FAAP24: variants seen among roughly 807,000 people sequenced by gnomAD.
The protein encoded by FAAP24 is FA core complex associated protein 24, also known as Fanconi anemia core complex-associated protein 24.
Under a neutral mutation model 14.3 loss-of-function variants are expected in FAAP24, and 16 were observed. The ratio of observed to expected loss-of-function variants is 1.12; its 90% CI spans 0.76 to 1.69. FAAP24 has a LOEUF of 1.69. Ranked by LOEUF, FAAP24 falls within the 40% of genes most tolerant of loss-of-function variation. FAAP24 has a pLI of 0.00. For synonymous variants in FAAP24, 111 were observed against 106.2 expected (o/e 1.04, Z -0.28); for missense variants, 234 against 262.7 (o/e 0.89, Z 0.75).
At position 32,977,472 on chromosome 19, in the gene FAAP24, A is replaced by G. The variant is rs769140789; in HGVS notation, c.*790A>G. On this transcript the variant is annotated 3_prime_UTR_variant, in exon 5 of 5. Transcript: ENST00000588258. ...ACCCGTACTGCGAGGGCTGTTTCCA[A>G]TGTAAATAAATAACTGCGCAACAGT... 5.3e-5 allele frequency: 21 copies of G among 398,354 alleles called. No individual in the cohort carries two copies. The highest frequency in any genetic ancestry group is 7.1e-5 in the Non-Finnish European group (16 of 226,066). The allele number at this position is 398,354 out of a possible 1,614,324, so 24.7% of individuals were successfully genotyped here.
Position 32,977,573 on chromosome 19 carries a change from T to C in FAAP24, c.*891T>C. Reference sequence around the variant, plus strand: ...AGATGTACAGTTTGTTTATAATCACTGCATATGTCTTCTGCACACAGAAAG... The same window carrying C: ...AGATGTACAGTTTGTTTATAATCACCGCATATGTCTTCTGCACACAGAAAG... On this transcript the variant is annotated 3_prime_UTR_variant, in exon 5 of 5. Coordinates refer to ENST00000588258, the MANE Select transcript of FAAP24 (RefSeq NM_152266.5). 2.5e-6 allele frequency: 1 copy of C among 394,962 alleles called. No individual in the cohort carries two copies. Among genetic ancestry groups the C allele is most frequent in the South Asian group, 1.5e-4 (1 of 6,618 alleles). The allele number at this position is 394,962 out of a possible 1,614,324, so 24.5% of individuals were successfully genotyped here. A position where few individuals can be genotyped will look rare whatever the true frequency, so the allele number is the denominator to read the frequency against.
intron 4 of FAAP24, among the ~76,000 whole-genome samples, chr19:32,974,623 A>C (rs576410170): frequency 7.2e-5 from 11 of 152,140 alleles, no homozygotes; most frequent in Non-Finnish European, 1.5e-4. Flanking sequence ...GTCTCTACTA[A>C]AAATACAAAA....
rs561940406 is a variant in FAAP24 at position 32,978,047 on chromosome 19, G to C, written c.*1365G>C. The C allele has an allele frequency of 6.6e-6, 1 of 152,222 alleles. No individual in the cohort carries two copies. The highest frequency in any genetic ancestry group is 1.5e-5 in the Non-Finnish European group (1 of 68,184). The allele number at this position is 152,222 out of a possible 1,614,324, so 9.4% of individuals were successfully genotyped here. A position where few individuals can be genotyped will look rare whatever the true frequency, so the allele number is the denominator to read the frequency against. ...TGATGGCAGCAGCTGCATCTAGTGA[G>C]GGAAGCAGGGGCTGGGGATCAAAAG... is the stretch of plus-strand genomic sequence containing the variant. On this transcript the variant is annotated 3_prime_UTR_variant, in exon 5 of 5. Transcript: ENST00000588258.
chr19:32,975,824 TTGTG>T (rs781571107), intron 4 of FAAP24, among the ~76,000 whole-genome samples: 3 of 152,216 alleles, frequency 2.0e-5, no homozygotes, highest in East Asian at 1.9e-4. Context: ...GGAACATCAA[TTGTG>T]TGTGTGTGTT....
At position 32,977,394 on chromosome 19, in the gene FAAP24, A is replaced by G. The variant is rs1191839585; in HGVS notation, c.*712A>G. The G allele has an allele frequency of 7.5e-6, 3 of 398,550 alleles. No homozygotes were observed. Among genetic ancestry groups the G allele is most frequent in the African/African-American group, 6.2e-5 (3 of 48,626 alleles). The allele number at this position is 398,550 out of a possible 1,614,324, so 24.7% of individuals were successfully genotyped here. On this transcript the variant is annotated 3_prime_UTR_variant, in exon 5 of 5. Transcript: ENST00000588258. ...GTACAAGGAAGCACTGTGTATCCTA[A>G]GCCCTGGGTTCCCAGAGTTTCACCT...
rs769628150 is a variant in FAAP24, at chr19:32,973,307, G to A, written c.106+5G>A. 1.9e-6 allele frequency: 3 copies of A among 1,613,812 alleles called. No homozygotes were observed. In the African/African-American group the frequency reaches 4.0e-5, roughly 22 times the overall value. On this transcript the variant is annotated splice_donor_5th_base_variant and intron_variant, in intron 2 of 4. Coordinates refer to ENST00000588258, the MANE Select transcript of FAAP24 (RefSeq NM_152266.5). ...AGCTGGCGCAGGAGATGCAAGGTCGGTGGCCTGCCCTCTGCCAGCCCTTTC... is the reference window on the plus strand; with the variant it reads ...AGCTGGCGCAGGAGATGCAAGGTCGATGGCCTGCCCTCTGCCAGCCCTTTC...
chr19:32,974,245 C>T, intron 4 of FAAP24, 33 bp downstream of exon 4: 1 of 1,592,334 alleles, frequency 6.3e-7, no homozygotes, highest in Admixed American at 1.8e-5. Context: ...TCGTGGTAGT[C>T]CTGTCCTCAT....
rs1226298961 is a variant in FAAP24, at chr19:32,978,022, T to C, written c.*1340T>C. ...CCAACAATGGAAGGATACAAGAAAA[T>C]GATGGCAGCAGCTGCATCTAGTGAG... On this transcript the variant is annotated 3_prime_UTR_variant, in exon 5 of 5. Transcript: ENST00000588258. The C allele has an allele frequency of 6.6e-6, 1 of 151,224 alleles. No homozygotes were observed. Among genetic ancestry groups the C allele is most frequent in the Non-Finnish European group, 1.5e-5 (1 of 67,922 alleles). The allele number at this position is 151,224 out of a possible 1,614,324, so 9.4% of individuals were successfully genotyped here.
At chr19:32,972,721 T>C (rs1200279205) in intron 1 of FAAP24, among the ~76,000 whole-genome samples, 1 of 143,652 alleles carries the variant, frequency 7.0e-6, no homozygotes, top group Non-Finnish European at 1.5e-5. Context: ...TTTTCTTTTT[T>C]TTTTTTTTTT....
In FAAP24 at chr19:32,977,639, G is replaced by A. The variant is rs186018248; in HGVS notation, c.*957G>A. On this transcript the variant is annotated 3_prime_UTR_variant, in exon 5 of 5. Transcript: ENST00000588258. ...TCCCACTTAAAGTTGAAAACTCAAC[G>A]GCCGGGCATAGTGGCTCACACCTGT... 5.1e-5 allele frequency: 20 copies of A among 390,380 alleles called. No individual in the cohort carries two copies. The highest frequency in any genetic ancestry group is 8.9e-5 in the Admixed American group (2 of 22,420). 24.2% of individuals were successfully genotyped at this position (390,380 alleles called of 1,614,324 possible).
chr19:32,973,436 G>A lies in FAAP24; in HGVS notation c.117G>A (p.Lys39=), dbSNP rs548552687. The A allele has an allele frequency of 1.2e-6, 2 of 1,613,986 alleles. No individual in the cohort carries two copies. Among genetic ancestry groups the A allele is most frequent in the East Asian group, 2.2e-5 (1 of 44,882 alleles). Residue 39 remains lysine, a synonymous_variant, in exon 3 of 5, where the codon AAG becomes AAA. Transcript: ENST00000588258. The part of the protein sequence containing the change: ...QLAQEMQGKI[K]LIFEDGLTPD... ...TCTCTGTATTTTAAGGGAAAATTAA[G>A]CTCATTTTCGAGGATGGCTTGACAC... is the stretch of plus-strand genomic sequence containing the variant.
Position 32,973,119 on chromosome 19 carries a change from G to C in FAAP24, c.-13-65G>C, listed in dbSNP as rs1026138464. ...ATCCTGCCCCAGAGGCCCTGGCTTG[G>C]AGTGGAATGCAGGGCCGTGTGCAGG... is the stretch of plus-strand genomic sequence containing the variant. On this transcript the variant is annotated intron_variant, in intron 1 of 4. Transcript: ENST00000588258. The C allele has an allele frequency of 1.2e-5, 15 of 1,240,752 alleles. No individual in the cohort carries two copies. The African/African-American group carries it at 2.3e-4, about 19-fold the overall frequency. The allele number at this position is 1,240,752 out of a possible 1,614,324, so 76.9% of individuals were successfully genotyped here.
Position 32,977,220 on chromosome 19 carries a change from T to G in FAAP24, c.*538T>G. 1 of 399,674 alleles carries G rather than the reference T, an allele frequency of 2.5e-6. No individual in the cohort carries two copies. The highest frequency in any genetic ancestry group is 4.4e-6 in the Non-Finnish European group (1 of 226,794). The allele number at this position is 399,674 out of a possible 1,614,324, so 24.8% of individuals were successfully genotyped here. On this transcript the variant is annotated 3_prime_UTR_variant, in exon 5 of 5. Transcript: ENST00000588258. ...TTCATTCTGCTAAGACGAAAAGGGCTGGTGGGATCTTCGCAAGAGAGTCAG... is the reference window on the plus strand; with the variant it reads ...TTCATTCTGCTAAGACGAAAAGGGCGGGTGGGATCTTCGCAAGAGAGTCAG...
intron 4 of FAAP24, among the ~76,000 whole-genome samples, chr19:32,975,399 G>A (rs1051110512): frequency 2.6e-5 from 4 of 151,612 alleles, no homozygotes; most frequent in South Asian, 4.2e-4. Flanking sequence ...TCAAACTCCT[G>A]ACCTCAGGTG....
intron 4 of FAAP24, among the ~76,000 whole-genome samples, chr19:32,975,587 G>A (rs1344605951): frequency 6.6e-6 from 1 of 151,434 alleles, no homozygotes; most frequent in Admixed American, 6.6e-5. Flanking sequence ...AGCCTCCCGA[G>A]TAGCTGGAAT....
chr19:32,976,504 C>T lies in FAAP24; in HGVS notation c.470C>T (p.Pro157Leu). The T allele has an allele frequency of 1.9e-6, 3 of 1,614,230 alleles. No individual in the cohort carries two copies. The highest frequency in any genetic ancestry group is 1.7e-6 in the Non-Finnish European group (2 of 1,180,048). Residue 157 changes from proline to leucine, a missense_variant, in exon 5 of 5, where the codon CCT becomes CTT. By Grantham distance (98) the Pro-to-Leu change is moderately conservative. Transcript: ENST00000588258. ...AAACGGGCCCTGCTGCTGTCTGAGC[C>T]TTCGCTCCTTCGAACCGTGCAGCAG... The part of the protein sequence containing the change: ...GKKRALLLSE[P>L]SLLRTVQQIP...
In FAAP24 at chr19:32,976,670, G is replaced by A. The variant is rs7258185; in HGVS notation, c.636G>A (p.Thr212=). The change falls in exon 5 of 5, where the codon ACG becomes ACA. Residue 212 remains threonine, a synonymous_variant. Transcript: ENST00000588258. ...AVAQQIHAFF[T]QPR Reference sequence around the variant, plus strand: ...CACAGCAGATCCATGCCTTCTTCACGCAGCCCAGGTGAGGGCTGGCCTCAG... The same window carrying A: ...CACAGCAGATCCATGCCTTCTTCACACAGCCCAGGTGAGGGCTGGCCTCAG... The A allele has an allele frequency of 0.24, 392,652 of 1,613,800 alleles. 49,822 individuals carry two copies. Among genetic ancestry groups the A allele is most frequent in the Admixed American group, 0.42 (25,304 of 59,982 alleles).
rs1203336130 is a variant in FAAP24, at chr19:32,976,873, C to A, written c.*191C>A. On this transcript the variant is annotated 3_prime_UTR_variant, in exon 5 of 5. Transcript: ENST00000588258. ...GACCAGCCTGGCCAACATGGAGAAACCCCTAAAAATAGGAACAATTAGCCA... is the reference window on the plus strand; with the variant it reads ...GACCAGCCTGGCCAACATGGAGAAAACCCTAAAAATAGGAACAATTAGCCA... 8 of 665,252 alleles carry A rather than the reference C, an allele frequency of 1.2e-5. No homozygotes were observed. Among genetic ancestry groups the A allele is most frequent in the African/African-American group, 5.5e-5 (3 of 54,902 alleles). 41.2% of individuals were successfully genotyped at this position (665,252 alleles called of 1,614,324 possible).
chr19:32,973,420 T>C lies in FAAP24; in HGVS notation c.107-6T>C. 2 of 1,613,684 alleles carry C rather than the reference T, an allele frequency of 1.2e-6. No homozygotes were observed. Among genetic ancestry groups the C allele is most frequent in the Non-Finnish European group, 1.7e-6 (2 of 1,179,806 alleles). On this transcript the variant is annotated splice_region_variant and splice_polypyrimidine_tract_variant and intron_variant, in intron 2 of 4. Coordinates refer to ENST00000588258, the MANE Select transcript of FAAP24 (RefSeq NM_152266.5). ...ATGGAACTCATTTTCTTCTCTGTAT[T>C]TTAAGGGAAAATTAAGCTCATTTTC...
Sources: allele counts gnomAD v4.1 joint callset (sites outside exome capture counted in the v4.1 genomes callset), GRCh38; gene constraint gnomAD v4.1.1; transcripts MANE v1.5; gene names NCBI Gene and HGNC (gene_info 2026-07-23, HGNC 2026-07-21).